The following USP37 variants were observed in gnomAD, a reference collection of about 807,000 sequenced individuals.
USP37 encodes the protein ubiquitin carboxyl-terminal hydrolase 37.
USP37 carries 27 observed loss-of-function variants against 124.0 expected under a neutral mutation model. That is an observed-to-expected ratio of 0.22 (90% CI 0.16 to 0.30). USP37 has a LOEUF of 0.30. Among genes scored for constraint, USP37 ranks in the 10% least tolerant of loss-of-function variants. The pLI, the probability that USP37 is intolerant of heterozygous loss-of-function variation, is 1.00. For synonymous variants in USP37, 365 were observed against 388.0 expected, an observed-to-expected ratio of 0.94 and a Z score of 0.70; for missense variants, 889 against 1,140.4, an observed-to-expected ratio of 0.78 and a Z score of 3.17.
chr2:218,537,316 GT>G (rs1691710078), intron 8 of USP37, among the ~76,000 whole-genome samples: 1 of 152,174 alleles, frequency 6.6e-6, no homozygotes, highest in Non-Finnish European at 1.5e-5. Context: ...TGCCCTGCAG[GT>G]TTCCACTCAC....
intron 23 of USP37, among the ~76,000 whole-genome samples, chr2:218,457,422 A>G (rs1233473214): frequency 6.6e-6 from 1 of 152,220 alleles, no homozygotes; most frequent in Admixed American, 6.5e-5. Context: ...TGGAACCAAC[A>G]ATATATCCAA....
Position 218,495,930 on chromosome 2 carries a change from A to G in USP37, c.1302T>C (p.Ser434=), listed in dbSNP as rs756191292. ...YMQNDAHEFL[S]QCLDQLKEDM... ...CTTCTTTCAGCTGGTCCAAACACTGACTTAAAAATTCATGAGCATCCTAAT... is the reference window on the plus strand; with the variant it reads ...CTTCTTTCAGCTGGTCCAAACACTGGCTTAAAAATTCATGAGCATCCTAAT... The change falls in exon 14 of 26, where the codon AGT becomes AGC. Residue 434 remains serine, a synonymous_variant. Transcript: ENST00000258399. 4 of 1,609,694 alleles carry G rather than the reference A, an allele frequency of 2.5e-6. No homozygotes were observed. Among genetic ancestry groups the G allele is most frequent in the African/African-American group, 1.3e-5 (1 of 74,608 alleles).
At chr2:218,463,255 G>C (rs372838585) in intron 22 of USP37, 51 bp downstream of exon 22, 2 of 1,484,786 alleles carry the variant, frequency 1.3e-6, no homozygotes, top group Middle Eastern at 1.8e-4. Flanking sequence ...TCTTCTATGT[G>C]TGAATGGTAA....
chr2:218,523,255 C>T (rs1690769665), intron 10 of USP37, among the ~76,000 whole-genome samples: 3 of 150,564 alleles, frequency 2.0e-5, no homozygotes, highest in Non-Finnish European at 4.4e-5. Flanking sequence ...AAGAGCGAGA[C>T]TTCGTCTCAA....
At chr2:218,468,306 G>A (rs888071984) in intron 20 of USP37, among the ~76,000 whole-genome samples, 6 of 151,834 alleles carry the variant, frequency 4.0e-5, no homozygotes, top group Non-Finnish European at 8.8e-5. Context: ...CCGGGTTCAA[G>A]CAATTCTCCT....
At chr2:218,461,403 G>A (rs1470494494) in intron 22 of USP37, among the ~76,000 whole-genome samples, 1 of 151,898 alleles carries the variant, frequency 6.6e-6, no homozygotes, top group African/African-American at 2.4e-5. Context: ...CTACTTGGGA[G>A]GCTGAGGCAG....
chr2:218,457,758 G>A (rs564978192), intron 23 of USP37, among the ~76,000 whole-genome samples: 1 of 152,148 alleles, frequency 6.6e-6, no homozygotes, highest in African/African-American at 2.4e-5. Context: ...TAAAATTTGG[G>A]GAAGGAAGGC....
intron 8 of USP37, among the ~76,000 whole-genome samples, chr2:218,545,739 G>C (rs143227388): frequency 6.6e-6 from 1 of 151,946 alleles, no homozygotes; most frequent in Non-Finnish European, 1.5e-5. Flanking sequence ...GAGCACCCTG[G>C]GTTGATCTAT....
intron 8 of USP37, among the ~76,000 whole-genome samples, chr2:218,542,383 A>G (rs543935851): frequency 1.8e-3 from 276 of 152,314 alleles, no homozygotes; most frequent in African/African-American, 6.4e-3. Context: ...AGTGTAGTGA[A>G]CATGCTAGAC....
chr2:218,546,938 A>T lies in USP37; in HGVS notation c.583T>A (p.Ser195Thr). The change falls in exon 7 of 26, where the codon TCA (serine) becomes ACA (threonine). Residue 195 changes from serine to threonine, a missense_variant. This residue lies in a region of USP37 where 374 missense variants were observed against 386.0 expected (regional missense o/e 0.97). Transcript: ENST00000258399. Reference protein sequence around the residue: ...SLTSTSTPLRSGLLENRTEKR... With the variant: ...SLTSTSTPLRTGLLENRTEKR... The stretch of plus-strand genomic sequence containing the variant: ...TCCTACCGATTTTCTAGCAACCCTG[A>T]TCTAAGAGGTGTTGAAGTAGATGTC... 1 of 1,611,642 alleles carries T rather than the reference A, an allele frequency of 6.2e-7. No homozygotes were observed. The highest frequency in any genetic ancestry group is 1.3e-5 in the African/African-American group (1 of 74,876).
intron 10 of USP37, among the ~76,000 whole-genome samples, chr2:218,515,054 C>A (rs1033376738): frequency 2.0e-5 from 3 of 152,100 alleles, no homozygotes; most frequent in Admixed American, 1.3e-4. Flanking sequence ...ATAGACTGAT[C>A]TTGCATTTTC....
At chr2:218,528,669 A>G (rs753417786) in intron 10 of USP37, 6 of 425,574 alleles carry the variant, frequency 1.4e-5, no homozygotes, top group African/African-American at 4.1e-5. Flanking sequence ...TATCCTGTCT[A>G]TCATTGATGG....
chr2:218,464,762 C>T (rs520095), intron 21 of USP37, among the ~76,000 whole-genome samples: 70,593 of 152,100 alleles, frequency 0.46, 19,554 homozygotes, highest in East Asian at 0.78. Context: ...ATAAACTGAA[C>T]ATTGAAGAAT....
At chr2:218,526,377 C>T (rs1690964051) in intron 10 of USP37, among the ~76,000 whole-genome samples, 1 of 151,978 alleles carries the variant, frequency 6.6e-6, no homozygotes, top group Non-Finnish European at 1.5e-5. Flanking sequence ...GATTTATAGG[C>T]ACCTGCCACC....
intron 8 of USP37, among the ~76,000 whole-genome samples, chr2:218,536,792 C>T (rs1691671198): frequency 6.6e-6 from 1 of 152,174 alleles, no homozygotes; most frequent in South Asian, 2.1e-4. Context: ...AGGAAGCACA[C>T]TCTAAGGATA....
At chr2:218,494,867 A>G (rs1688986254) in intron 14 of USP37, among the ~76,000 whole-genome samples, 1 of 152,216 alleles carries the variant, frequency 6.6e-6, no homozygotes, top group African/African-American at 2.4e-5. Context: ...AAACATTGCA[A>G]AAGGTAAAAA....
Position 218,463,660 on chromosome 2 carries a change from C to T in USP37, c.2467-294G>A, listed in dbSNP as rs370272338. On this transcript the variant is annotated intron_variant, in intron 21 of 25. Transcript: ENST00000258399. ...ACGCCATTCTCCCGCCTCAGCCTCC[C>T]AAGTAGCTGGGACTACAGGCGCCCG... Among the ~76,000 whole-genome samples, 483 of 151,234 alleles carry T rather than the reference C, an allele frequency of 3.2e-3. 1 individual carries two copies. The highest frequency in any genetic ancestry group is 0.011 in the African/African-American group (464 of 41,212).
At position 218,558,491 on chromosome 2, in the gene USP37, G is replaced by A. The variant is rs1158726262; in HGVS notation, c.156+7C>T. 1 of 1,607,748 alleles carries A rather than the reference G, an allele frequency of 6.2e-7. No homozygotes were observed. Among genetic ancestry groups the A allele is most frequent in the Non-Finnish European group, 8.5e-7 (1 of 1,176,946 alleles). On this transcript the variant is annotated splice_region_variant and intron_variant, in intron 4 of 25. Transcript: ENST00000258399. ...AAGAGCTATTCCAAATCAATATTTG[G>A]TATTACCTGAAATATCCTTGGAATT...
At chr2:218,460,114 G>T (rs1306154083) in intron 22 of USP37, among the ~76,000 whole-genome samples, 3 of 119,422 alleles carry the variant, frequency 2.5e-5, no homozygotes, top group African/African-American at 6.5e-5. Flanking sequence ...AAAAAAATTA[G>T]CCAGGAGTGG....
Sources: allele counts gnomAD v4.1 joint callset (sites outside exome capture counted in the v4.1 genomes callset), GRCh38; gene constraint gnomAD v4.1.1; regional missense constraint gnomAD v4.1.1; transcripts MANE v1.5; gene names NCBI Gene and HGNC (gene_info 2026-07-23, HGNC 2026-07-21).